The following TNS1 variants were observed in gnomAD, a reference collection of about 807,000 sequenced individuals.
TNS1 encodes the protein tensin-1.
A neutral mutation model predicts 168.6 loss-of-function variants in TNS1; 62 were observed. The ratio of observed to expected loss-of-function variants is 0.37; its 90% CI spans 0.30 to 0.45. The LOEUF is 0.45. Among genes scored for constraint, TNS1 ranks in the 20% least tolerant of loss-of-function variants. The probability of loss-of-function intolerance (pLI) is 1.00; values close to 1 mark genes in which losing one functional copy is unlikely to be tolerated. For missense variants in TNS1, 2,240 were observed against 2,339.4 expected, an observed-to-expected ratio of 0.96 and a Z score of 0.88; for synonymous variants, 934 against 933.2, an observed-to-expected ratio of 1.00 and a Z score of -0.02.
intron 1 of TNS1, among the ~76,000 whole-genome samples, chr2:218,027,660 G>A (rs1958861894): frequency 6.6e-6 from 1 of 152,194 alleles, no homozygotes; most frequent in South Asian, 2.1e-4. Flanking sequence ...TCCCAGAAGA[G>A]GTTGGGGTAG....
chr2:217,910,163 G>A (rs1305852683), intron 4 of TNS1, among the ~76,000 whole-genome samples: 1 of 152,102 alleles, frequency 6.6e-6, no homozygotes, highest in Admixed American at 6.5e-5. Context: ...CCTCAGCAGT[G>A]CAAGAGAAAC....
At chr2:217,864,601 C>T (rs1949091794) in intron 18 of TNS1, among the ~76,000 whole-genome samples, 2 of 152,176 alleles carry the variant, frequency 1.3e-5, no homozygotes, top group African/African-American at 4.8e-5. Context: ...AATAAAGTCA[C>T]AATGCTGGTT....
intron 22 of TNS1, among the ~76,000 whole-genome samples, chr2:217,829,065 G>A (rs1327799427): frequency 6.6e-6 from 1 of 152,046 alleles, no homozygotes; most frequent in African/African-American, 2.4e-5. Flanking sequence ...CAGTGCACAG[G>A]GCAGCACCCA....
At chr2:217,866,307 C>A (rs1328050779) in intron 18 of TNS1, among the ~76,000 whole-genome samples, 1 of 152,202 alleles carries the variant, frequency 6.6e-6, no homozygotes, top group Non-Finnish European at 1.5e-5. Context: ...TCCCTAAAGT[C>A]CTGTTTGGAT....
rs556347785 is a variant in TNS1, at chr2:217,867,190, G to A, written c.1429+13708C>T. Among the ~76,000 whole-genome samples, 77 of 152,254 alleles carry A rather than the reference G, an allele frequency of 5.1e-4. 3 individuals are homozygous for A. In the East Asian group the frequency reaches 7.1e-3, roughly 14 times the overall value. ...GGGGTGCATATTAAAGGAGGTGGGC[G>A]GATAGATTCTCCTCCTCATCCCTAG... On this transcript the variant is annotated intron_variant, in intron 18 of 32. Transcript: ENST00000682258.
Position 217,948,797 on chromosome 2 carries a change from C to G in TNS1, c.187-28561G>C, listed in dbSNP as rs192356151. On this transcript the variant is annotated intron_variant, in intron 3 of 32. Coordinates refer to ENST00000682258, the MANE Select transcript of TNS1 (RefSeq NM_001387777.1). This position sits in a 1 kb window ranked among gnomAD's most constrained non-coding sequence, Gnocchi z 4.1. ...GGCACCCCCTGCTCACCACTGTGTC[C>G]TCTATGACATCTCATTGGCATGCAT... Among the ~76,000 whole-genome samples the G allele has an allele frequency of 1.6e-4, 25 of 152,306 alleles. No homozygotes were observed. The highest frequency in any genetic ancestry group is 3.3e-4 in the Admixed American group (5 of 15,306).
chr2:217,960,409 C>A (rs1044395904), intron 3 of TNS1, among the ~76,000 whole-genome samples: 1 of 152,072 alleles, frequency 6.6e-6, no homozygotes, highest in Non-Finnish European at 1.5e-5. Context: ...CAAGGGGGAC[C>A]AGTGGGGGAC....
chr2:217,854,250 T>C (rs1297752280), intron 18 of TNS1, among the ~76,000 whole-genome samples: 4 of 152,198 alleles, frequency 2.6e-5, no homozygotes, highest in African/African-American at 9.6e-5. Context: ...GAGGTTTTGC[T>C]TATTTAGATG....
Position 217,810,228 on chromosome 2 carries a change from A to T in TNS1, c.5104+20T>A. On this transcript the variant is annotated intron_variant, in intron 29 of 32. Transcript: ENST00000682258. The stretch of plus-strand genomic sequence containing the variant: ...GAAAGAGAGGCCTGGGCATGGGTAC[A>T]GTTTCAGGTGACCACTCACCTGCCC... The T allele has an allele frequency of 6.2e-7, 1 of 1,613,378 alleles. No individual in the cohort carries two copies. Among genetic ancestry groups the T allele is most frequent in the Non-Finnish European group, 8.5e-7 (1 of 1,179,764 alleles).
chr2:217,898,162 C>T (rs989014014), intron 7 of TNS1, among the ~76,000 whole-genome samples, 193 bp from the exon 8 acceptor site: 1 of 152,220 alleles, frequency 6.6e-6, no homozygotes, highest in African/African-American at 2.4e-5. Flanking sequence ...GGAGTGCCGG[C>T]GAGAACAAGC....
At chr2:218,007,903 G>A (rs1442303968), upstream of TNS1, among the ~76,000 whole-genome samples, 1 of 152,152 alleles carries the variant, frequency 6.6e-6, no homozygotes, top group Non-Finnish European at 1.5e-5. Context: ...CCCAGAGCAT[G>A]GGGCACTACA....
chr2:217,830,380 T>C, intron 22 of TNS1: 1 of 1,614,150 alleles, frequency 6.2e-7, no homozygotes, highest in Non-Finnish European at 8.5e-7. Flanking sequence ...GCTGGATCCG[T>C]CTTCTGGTAA....
intron 3 of TNS1, among the ~76,000 whole-genome samples, chr2:217,920,462 C>T (rs1030798233): frequency 6.6e-6 from 1 of 151,990 alleles, no homozygotes; most frequent in East Asian, 1.9e-4. Context: ...ATGAAATGAG[C>T]GTCACAATTA....
intron 1 of TNS1, among the ~76,000 whole-genome samples, 187 bp from the exon 2 acceptor site, chr2:217,991,243 A>G (rs1013062070): frequency 6.6e-6 from 1 of 152,046 alleles, no homozygotes; most frequent in Non-Finnish European, 1.5e-5. Flanking sequence ...TTCATCCCAG[A>G]CTCAGGTGGG....
chr2:218,031,141 T>A (rs986989384), intron 1 of TNS1, among the ~76,000 whole-genome samples: 3 of 119,292 alleles, frequency 2.5e-5, no homozygotes, highest in East Asian at 5.7e-4. Flanking sequence ...TGTGTGTGTG[T>A]ATGTGTTGTG....
intron 21 of TNS1, among the ~76,000 whole-genome samples, chr2:217,834,269 C>T (rs1394529668): frequency 6.6e-6 from 1 of 152,224 alleles, no homozygotes; most frequent in African/African-American, 2.4e-5. Context: ...AGCTCCAGTT[C>T]TCCCTCCTCT....
chr2:217,808,775 C>A, intron 30 of TNS1, 104 bp from the exon 31 acceptor site: 2 of 1,020,536 alleles, frequency 2.0e-6, no homozygotes, highest in South Asian at 1.4e-5. Flanking sequence ...CTGTGGCTAT[C>A]GCAGGTCCAC....
chr2:217,818,782 G>T, intron 23 of TNS1, 23 bp from the exon 24 acceptor site: 1 of 1,573,414 alleles, frequency 6.4e-7, no homozygotes, highest in Non-Finnish European at 8.7e-7. Flanking sequence ...GGCAGGTTGC[G>T]ATGTCAGTGG....
At chr2:217,846,495 G>T (rs115619723) in intron 19 of TNS1, among the ~76,000 whole-genome samples, 2,344 of 152,236 alleles carry the variant, frequency 0.015, 53 homozygotes, top group African/African-American at 0.053. Flanking sequence ...AGCTGCCCAG[G>T]CTCCTCTCCT....
Sources: allele counts gnomAD v4.1 joint callset (sites outside exome capture counted in the v4.1 genomes callset), GRCh38; gene constraint gnomAD v4.1.1; non-coding constraint Gnocchi (gnomAD v3.1); transcripts MANE v1.5; gene names NCBI Gene and HGNC (gene_info 2026-07-23, HGNC 2026-07-21).